PIP5K1C: variants seen among roughly 807,000 people sequenced by gnomAD.
The protein encoded by PIP5K1C is phosphatidylinositol-4-phosphate 5-kinase type 1 gamma.
A neutral mutation model predicts 80.1 loss-of-function variants in PIP5K1C; 45 were observed. The ratio of observed to expected loss-of-function variants is 0.56; its 90% CI spans 0.44 to 0.72. The LOEUF (loss-of-function observed/expected upper bound fraction) is 0.72, where lower values mean the gene tolerates loss of function less well. Ranked by LOEUF, PIP5K1C falls within the 30% of genes least tolerant of loss-of-function variation. The probability of loss-of-function intolerance (pLI) is 0.00; values close to 1 mark genes in which losing one functional copy is unlikely to be tolerated. For missense variants in PIP5K1C, 753 were observed against 954.6 expected, an observed-to-expected ratio of 0.79 and a Z score of 2.78; for synonymous variants, 498 against 420.1, an observed-to-expected ratio of 1.19 and a Z score of -2.27.
intron 16 of PIP5K1C, chr19:3,638,064 G>A (rs2145377614): frequency 2.8e-6 from 4 of 1,452,178 alleles, no homozygotes; most frequent in East Asian, 2.5e-5. Flanking sequence ...CCCACAACAG[G>A]CCCTAAGGCC....
chr19:3,644,074 C>T lies in PIP5K1C; in HGVS notation c.1510+13G>A, dbSNP rs539447796. The T allele has an allele frequency of 5.0e-6, 8 of 1,610,138 alleles. No individual in the cohort carries two copies. The African/African-American group carries it at 5.3e-5, about 11-fold the overall frequency. The stretch of plus-strand genomic sequence containing the variant: ...GTAGCGCCCACAAGCGCACTCTGCC[C>T]TCTGCCCCTCACCTTCGTCCTCCAG... On this transcript the variant is annotated intron_variant, in intron 12 of 17. Coordinates refer to ENST00000335312, the MANE Select transcript of PIP5K1C (RefSeq NM_012398.3).
Position 3,655,333 on chromosome 19 carries a change from G to A in PIP5K1C, c.621+1072C>T, listed in dbSNP as rs976904163. Among the ~76,000 whole-genome samples, 8 of 151,922 alleles carry A rather than the reference G, an allele frequency of 5.3e-5. No individual in the cohort carries two copies. The East Asian group carries it at 1.4e-3, about 26-fold the overall frequency. ...CTCGGGAGGCTGAGGCAGGAGAATGGCTTGAACCCAGGAGGGGGAGGCTGC... is the reference window on the plus strand; with the variant it reads ...CTCGGGAGGCTGAGGCAGGAGAATGACTTGAACCCAGGAGGGGGAGGCTGC... On this transcript the variant is annotated intron_variant, in intron 6 of 17. Coordinates refer to ENST00000335312, the MANE Select transcript of PIP5K1C (RefSeq NM_012398.3).
At chr19:3,693,670 T>A (rs1446191655) in intron 1 of PIP5K1C, among the ~76,000 whole-genome samples, 2 of 152,084 alleles carry the variant, frequency 1.3e-5, no homozygotes, top group Non-Finnish European at 2.9e-5. Context: ...GGTTTCCCCA[T>A]CTGTAAACAA....
intron 16 of PIP5K1C, 141 bp from the exon 17 acceptor site, chr19:3,633,661 G>T: frequency 1.9e-6 from 1 of 529,114 alleles, no homozygotes; most frequent in Non-Finnish European, 3.0e-6. Flanking sequence ...GCTCAGCCCA[G>T]CTGCCCTCTC....
rs1461319154 is a variant in PIP5K1C at position 3,637,460 on chromosome 19, G to T, written c.1920+1424C>A. 2 of 1,535,704 alleles carry T rather than the reference G, an allele frequency of 1.3e-6. No individual in the cohort carries two copies. Among genetic ancestry groups the T allele is most frequent in the Non-Finnish European group, 1.7e-6 (2 of 1,146,816 alleles). On this transcript the variant is annotated intron_variant, in intron 16 of 17. Coordinates refer to ENST00000335312, the MANE Select transcript of PIP5K1C (RefSeq NM_012398.3). The surrounding 1 kb of genome is among the most constrained non-coding windows in gnomAD (Gnocchi z 7.0). Reference sequence around the variant, plus strand: ...ACTGACGTCAGACACTGAGCTTCCGGCCGGGGACCTGCGGCTCCCTGCTGC... The same window carrying T: ...ACTGACGTCAGACACTGAGCTTCCGTCCGGGGACCTGCGGCTCCCTGCTGC...
chr19:3,636,541 G>T, intron 16 of PIP5K1C: 14 of 985,524 alleles, frequency 1.4e-5, no homozygotes, highest in Non-Finnish European at 1.7e-5. Context: ...CAGCAGGGCC[G>T]CTGGGTCTCT....
intron 15 of PIP5K1C, among the ~76,000 whole-genome samples, chr19:3,639,261 C>T (rs908713550): frequency 1.4e-4 from 22 of 152,284 alleles, no homozygotes; most frequent in Middle Eastern, 3.4e-3. Context: ...GCTGACAGCT[C>T]GGCCCTGCCA....
intron 1 of PIP5K1C, among the ~76,000 whole-genome samples, chr19:3,688,000 G>A (rs1352545816): frequency 1.3e-5 from 2 of 152,210 alleles, no homozygotes; most frequent in Non-Finnish European, 2.9e-5. Context: ...GCCGGGGCAG[G>A]AGGCTGTGGG....
intron 11 of PIP5K1C, among the ~76,000 whole-genome samples, chr19:3,645,371 A>G (rs2034169568): frequency 6.6e-6 from 1 of 152,206 alleles, no homozygotes; most frequent in South Asian, 2.1e-4. Flanking sequence ...AGGTCTGCAC[A>G]GGGGCCTGGA....
At chr19:3,636,935 C>T in intron 16 of PIP5K1C, 2 of 1,010,934 alleles carry the variant, frequency 2.0e-6, no homozygotes, top group Non-Finnish European at 2.4e-6. Flanking sequence ...TGTGGCGTCC[C>T]AGGGGGACCT....
In PIP5K1C at chr19:3,666,027, AG is replaced by A. The variant is rs1003261083; in HGVS notation, c.127-1114del. Among the ~76,000 whole-genome samples the A allele has an allele frequency of 7.2e-5, 11 of 152,078 alleles. 1 individual carries two copies. Among genetic ancestry groups the A allele is most frequent in the African/African-American group, 2.7e-4 (11 of 41,424 alleles). Reference sequence around the variant, plus strand: ...CCCTGCATTCTCCCAGGTGGCCGCCAGGGGGCAGGCTCTCCCCAGGAATTCA... The same window carrying A: ...CCCTGCATTCTCCCAGGTGGCCGCCAGGGGCAGGCTCTCCCCAGGAATTCA... On this transcript the variant is annotated intron_variant, in intron 2 of 17. Transcript: ENST00000335312.
At chr19:3,654,565 T>C (rs2034555860) in intron 6 of PIP5K1C, among the ~76,000 whole-genome samples, 1 of 152,206 alleles carries the variant, frequency 6.6e-6, no homozygotes, top group Admixed American at 6.5e-5. Context: ...CCTGTAATCC[T>C]AGCACTGTGG....
chr19:3,663,865 T>C (rs1298551734), intron 3 of PIP5K1C, among the ~76,000 whole-genome samples: 1 of 152,138 alleles, frequency 6.6e-6, no homozygotes, highest in Non-Finnish European at 1.5e-5. Context: ...GCAATTCCAC[T>C]CCTGGGTGTC....
Position 3,661,870 on chromosome 19 carries a change from C to T in PIP5K1C, c.350+1G>A. The T allele has an allele frequency of 6.2e-7, 1 of 1,611,870 alleles. No homozygotes were observed. Among genetic ancestry groups the T allele is most frequent in the Non-Finnish European group, 8.5e-7 (1 of 1,179,954 alleles). On this transcript the variant is annotated splice_donor_variant, in intron 4 of 17. Transcript: ENST00000335312. LOFTEE classifies it high-confidence loss of function. ...CCTGAGGCTCCGGGGGCCCGGCCCA[C>T]CTGGGGAAGAAGATGCTCTCCACCA...
rs148070921 is a variant in PIP5K1C, at chr19:3,696,315, C to T, written c.94+3982G>A. ...GGATCTGCACTGTGCTGAGCTCTTC[C>T]GGGCGCAGGGGATGCCGCAGGAGTG... On this transcript the variant is annotated intron_variant, in intron 1 of 17. Transcript: ENST00000335312. This position sits in a 1 kb window ranked among gnomAD's most constrained non-coding sequence, Gnocchi z 4.1. Among the ~76,000 whole-genome samples, 1,137 of 152,324 alleles carry T rather than the reference C, an allele frequency of 7.5e-3. 12 individuals are homozygous for T. Among genetic ancestry groups the T allele is most frequent in the African/African-American group, 0.026 (1,093 of 41,570 alleles).
intron 1 of PIP5K1C, among the ~76,000 whole-genome samples, chr19:3,682,969 T>G (rs1160934130): frequency 4.3e-5 from 1 of 23,492 alleles, no homozygotes; most frequent in East Asian, 1.6e-3. Flanking sequence ...GTCCTTCCCC[T>G]CCCTCCTCTC....
At chr19:3,656,591 A>G in intron 5 of PIP5K1C, 34 bp from the exon 6 acceptor site, 1 of 1,611,980 alleles carries the variant, frequency 6.2e-7, no homozygotes, top group Non-Finnish European at 8.5e-7. Context: ...GCGGGCCCCA[A>G]GCTGCCGGAC....
At chr19:3,633,552 G>A (rs747048255) in intron 16 of PIP5K1C, 32 bp from the exon 17 acceptor site, 164 of 1,425,144 alleles carry the variant, frequency 1.2e-4, no homozygotes, top group Non-Finnish European at 1.4e-4. Context: ...AGGAGGGCGC[G>A]GAAGAGCAGG....
chr19:3,658,503 C>T (rs1423465582), intron 5 of PIP5K1C, among the ~76,000 whole-genome samples: 2 of 152,360 alleles, frequency 1.3e-5, no homozygotes, highest in East Asian at 3.9e-4. Context: ...CGGCAGGACG[C>T]CCTCCAGCCT....
Sources: allele counts gnomAD v4.1 joint callset (sites outside exome capture counted in the v4.1 genomes callset), GRCh38; gene constraint gnomAD v4.1.1; non-coding constraint Gnocchi (gnomAD v3.1); transcripts MANE v1.5; gene names NCBI Gene and HGNC (gene_info 2026-07-23, HGNC 2026-07-21).